NEFH: variants seen among roughly 807,000 people sequenced by gnomAD.
NEFH encodes neurofilament heavy polypeptide.
In NEFH, 58 loss-of-function variants were observed where a neutral mutation model predicts 56.6. The ratio of observed to expected loss-of-function variants is 1.03; its 90% CI spans 0.83 to 1.28. The LOEUF (loss-of-function observed/expected upper bound fraction) is 1.28, where lower values mean the gene tolerates loss of function less well. Among genes scored for constraint, NEFH ranks in the 50% most tolerant of loss-of-function variants. NEFH has a pLI of 0.00. For missense variants in NEFH, 1,221 were observed against 1,307.6 expected (o/e 0.93, Z 1.02); for synonymous variants, 542 against 545.8 (o/e 0.99, Z 0.10).
Position 29,490,198 on chromosome 22 carries a change from CAGA to C in NEFH, c.2559_2561del (p.Glu855del). ...GAGAAAGCCCCTGCCACACCAAAAA[CAGA>C]GGAGAAGAAGGACAGCAAGAAAGAG... On this transcript the variant is annotated inframe_deletion, in exon 4 of 4. Coordinates refer to ENST00000310624, the MANE Select transcript of NEFH (RefSeq NM_021076.4). The C allele has an allele frequency of 6.2e-7, 1 of 1,611,334 alleles. No homozygotes were observed.
Position 29,490,458 on chromosome 22 carries a change from G to T in NEFH, c.2818G>T (p.Glu940Ter). 1 of 1,596,738 alleles carries T rather than the reference G, an allele frequency of 6.3e-7. No homozygotes were observed. Among genetic ancestry groups the T allele is most frequent in the Non-Finnish European group, 8.5e-7 (1 of 1,175,570 alleles). Residue 940 changes from glutamate to a stop codon, truncating the protein, a stop_gained, in exon 4 of 4, where the codon GAA becomes TAA. Coordinates refer to ENST00000310624, the MANE Select transcript of NEFH (RefSeq NM_021076.4). LOFTEE classifies it high-confidence loss of function. Reference protein sequence around the residue: ...KKEPDDAKAKEPSKPAEKKEA... With the variant: ...KKEPDDAKAK ...GGAACCAGATGATGCCAAGGCCAAG[G>T]AACCCAGCAAACCAGCAGAGAAGAA... is the stretch of plus-strand genomic sequence containing the variant.
Position 29,490,547 on chromosome 22 carries a change from C to T in NEFH, c.2907C>T (p.Pro969=), listed in dbSNP as rs1356813178. The T allele has an allele frequency of 8.7e-6, 14 of 1,612,046 alleles. No homozygotes were observed. The African/African-American group carries it at 1.1e-4, about 12-fold the overall frequency. Residue 969 remains proline, a synonymous_variant, in exon 4 of 4, where the codon CCC becomes CCT. Coordinates refer to ENST00000310624, the MANE Select transcript of NEFH (RefSeq NM_021076.4). ...AGGCCAAGAAGCCTGAGGAGAAACC[C>T]AAGACAGAGGCCAAAGCCAAGGAAG... ...EEKAKKPEEK[P]KTEAKAKEDD...
Position 29,487,440 on chromosome 22 carries a change from A to G in NEFH, c.1209-1409A>G, listed in dbSNP as rs527888499. On this transcript the variant is annotated intron_variant, in intron 3 of 3. Coordinates refer to ENST00000310624, the MANE Select transcript of NEFH (RefSeq NM_021076.4). ...CAGTTCAGAGACCAAGCTGGGCAGC[A>G]TGGCAAAACCCCATCTCTACAAAAA... Among the ~76,000 whole-genome samples, 4 of 150,950 alleles carry G rather than the reference A, an allele frequency of 2.6e-5. No individual in the cohort carries two copies. The South Asian group carries it at 6.3e-4, about 24-fold the overall frequency.
intron 3 of NEFH, among the ~76,000 whole-genome samples, chr22:29,487,417 G>A (rs2063050654): frequency 6.6e-6 from 1 of 150,976 alleles, no homozygotes. Context: ...GATTGTTTCA[G>A]TTCAGAGACC....
chr22:29,488,734 T>A, intron 3 of NEFH, 115 bp from the exon 4 acceptor site: 2 of 1,010,244 alleles, frequency 2.0e-6, no homozygotes, highest in East Asian at 4.8e-5. Flanking sequence ...CACATTCCTG[T>A]TCCACCAAAA....
intron 2 of NEFH, among the ~76,000 whole-genome samples, chr22:29,484,784 A>T (rs165633): frequency 1.3e-5 from 2 of 151,788 alleles, no homozygotes; most frequent in Admixed American, 6.6e-5. Context: ...ACTGTGGCAC[A>T]CTGGAGAAAG....
chr22:29,486,394 ACTGT>A (rs1330128537), intron 3 of NEFH, among the ~76,000 whole-genome samples: 1 of 151,934 alleles, frequency 6.6e-6, no homozygotes, highest in Non-Finnish European at 1.5e-5. Context: ...AGCCATAACC[ACTGT>A]CTGTCTCCAG....
chr22:29,480,524 A>G lies in NEFH; in HGVS notation c.262A>G (p.Met88Val). The G allele has an allele frequency of 6.5e-7, 1 of 1,536,442 alleles. No homozygotes were observed. Among genetic ancestry groups the G allele is most frequent in the African/African-American group, 1.4e-5 (1 of 73,344 alleles). Residue 88 changes from methionine to valine, a missense_variant, in exon 1 of 4, where the codon ATG (methionine) becomes GTG (valine). Coordinates refer to ENST00000310624, the MANE Select transcript of NEFH (RefSeq NM_021076.4). ...DTLSNGPEGC[M>V]VAVATSRSEK... The stretch of plus-strand genomic sequence containing the variant: ...GCTGAGCAACGGGCCGGAGGGCTGC[A>G]TGGTGGCGGTGGCCACCTCACGCAG...
intron 2 of NEFH, among the ~76,000 whole-genome samples, chr22:29,483,826 C>G (rs1269012638): frequency 1.1e-5 from 1 of 94,544 alleles, no homozygotes; most frequent in Non-Finnish European, 2.0e-5. Flanking sequence ...AAGAGATAGA[C>G]TTTTATTTAT....
intron 1 of NEFH, 103 bp from the exon 2 acceptor site, chr22:29,483,272 G>T: frequency 9.6e-7 from 1 of 1,039,940 alleles, no homozygotes; most frequent in Non-Finnish European, 1.4e-6. Flanking sequence ...GCGAGAATCC[G>T]TCTCAAAAAA....
rs774015618 is a variant in NEFH at position 29,483,420 on chromosome 22, C to T, written c.929C>T (p.Ala310Val). 1 of 1,613,926 alleles carries T rather than the reference C, an allele frequency of 6.2e-7. No homozygotes were observed. Residue 310 changes from alanine (A) to valine (V), a missense_variant, in exon 2 of 4, where the codon GCT becomes GTT. By Grantham distance (64) the Ala-to-Val change is moderately conservative (BLOSUM62 0). Transcript: ENST00000310624. The stretch of plus-strand genomic sequence containing the variant: ...GAGGCAGCCAAGGTGAACACAGACG[C>T]TATGCGCTCAGCGCAGGAGGAGATA... ...LSEAAKVNTD[A>V]MRSAQEEITE...
At position 29,481,064 on chromosome 22, in the gene NEFH, ACGT is replaced by A. The variant is rs764594209; in HGVS notation, c.805_807del (p.Ser269del). The A allele has an allele frequency of 4.6e-6, 7 of 1,531,220 alleles. No individual in the cohort carries two copies. The highest frequency in any genetic ancestry group is 5.2e-6 in the Non-Finnish European group (6 of 1,145,364). 94.9% of individuals were successfully genotyped at this position (1,531,220 alleles called of 1,614,324 possible). ...GCGCGACGCCCTGAAGTGCGACGTG[ACGT>A]CGGCGCTGCGCGAGATTCGCGCGCA... On this transcript the variant is annotated inframe_deletion, in exon 1 of 4. Coordinates refer to ENST00000310624, the MANE Select transcript of NEFH (RefSeq NM_021076.4).
chr22:29,483,252 C>T, intron 1 of NEFH, 123 bp from the exon 2 acceptor site: 1 of 926,188 alleles, frequency 1.1e-6, no homozygotes, highest in Non-Finnish European at 1.7e-6. Context: ...GCCCTCCAGC[C>T]TGGGCGAGAG....
At chr22:29,485,892 C>T (rs796263864) in intron 3 of NEFH, 45 bp downstream of exon 3, 1 of 1,611,654 alleles carries the variant, frequency 6.2e-7, no homozygotes. Context: ...AGCTTGTGTT[C>T]CTGCGAGACG....
intron 3 of NEFH, among the ~76,000 whole-genome samples, chr22:29,487,485 A>C (rs1258423716): frequency 6.8e-6 from 1 of 147,638 alleles, no homozygotes; most frequent in African/African-American, 2.6e-5. Flanking sequence ...AAAAAAAAAT[A>C]GCTGGGCATG....
At chr22:29,485,515 A>G (rs2063039149) in intron 2 of NEFH, among the ~76,000 whole-genome samples, 1 of 152,230 alleles carries the variant, frequency 6.6e-6, no homozygotes, top group South Asian at 2.1e-4. Flanking sequence ...GACCTTCTCC[A>G]GTCTGAGGTC....
In NEFH at chr22:29,480,490, G is replaced by C; in HGVS notation, c.228G>C (p.Ser76=). 3 of 1,533,796 alleles carry C rather than the reference G, an allele frequency of 2.0e-6. No individual in the cohort carries two copies. The highest frequency in any genetic ancestry group is 2.4e-5 in the South Asian group (2 of 83,962). The change falls in exon 1 of 4, where the codon TCG becomes TCC. Residue 76 remains serine, a synonymous_variant. Transcript: ENST00000310624. Reference sequence around the variant, plus strand: ...CAGGCGCCGCCTCAAGCACCGACTCGCTGGACACGCTGAGCAACGGGCCGG... The same window carrying C: ...CAGGCGCCGCCTCAAGCACCGACTCCCTGGACACGCTGAGCAACGGGCCGG... ...RGAGAASSTD[S]LDTLSNGPEG...
chr22:29,487,857 C>G lies in NEFH; in HGVS notation c.1209-992C>G, dbSNP rs9625804. ...GAAACAACCCTCTGACGTAGGGACT[C>G]TAATGACCCTCTTTTTCCAGTGAGG... On this transcript the variant is annotated intron_variant, in intron 3 of 3. Coordinates refer to ENST00000310624, the MANE Select transcript of NEFH (RefSeq NM_021076.4). 3.3e-5 allele frequency among the ~76,000 whole-genome samples: 5 copies of G among 152,206 alleles called. No individual in the cohort carries two copies. In the East Asian group the frequency reaches 9.6e-4, roughly 29 times the overall value.
In NEFH at chr22:29,485,808, A is replaced by G. The variant is rs148653339; in HGVS notation, c.1169A>G (p.Asn390Ser). Residue 390 changes from asparagine (N) to serine (S), a missense_variant, in exon 3 of 4, where the codon AAT becomes AGT. Transcript: ENST00000310624. ...AQLREYQDLL[N>S]VKMALDIEIA... ...CTGCGAGAATACCAGGACCTGCTCA[A>G]TGTCAAGATGGCTCTGGATATAGAG... is the stretch of plus-strand genomic sequence containing the variant. 1.2e-6 allele frequency: 2 copies of G among 1,614,206 alleles called. No homozygotes were observed. Among genetic ancestry groups the G allele is most frequent in the Non-Finnish European group, 8.5e-7 (1 of 1,180,030 alleles).
Sources: allele counts gnomAD v4.1 joint callset (sites outside exome capture counted in the v4.1 genomes callset), GRCh38; gene constraint gnomAD v4.1.1; transcripts MANE v1.5; gene names NCBI Gene and HGNC (gene_info 2026-07-23, HGNC 2026-07-21).